RASGRF2: variants seen among roughly 807,000 people sequenced by gnomAD.
RASGRF2 encodes ras-specific guanine nucleotide-releasing factor 2.
A neutral mutation model predicts 151.0 loss-of-function variants in RASGRF2; 76 were observed. The observed-to-expected ratio is 0.50, with a 90% CI of 0.42 to 0.61. RASGRF2 has a LOEUF of 0.61. RASGRF2 is among the 20% of genes least tolerant of loss of function. The pLI is 0.00. For missense variants in RASGRF2, 1,148 were observed against 1,564.6 expected (o/e 0.73, Z 4.49); for synonymous variants, 504 against 566.5 (o/e 0.89, Z 1.57).
intron 1 of RASGRF2, among the ~76,000 whole-genome samples, chr5:80,990,232 T>TA (rs113897568): frequency 0.16 from 23,903 of 150,690 alleles, 2,074 homozygotes; most frequent in South Asian, 0.22. Context: ...TTTTTTTTTT[T>TA]ATTTTCTTTT....
chr5:81,124,400 T>C (rs1245122266), intron 16 of RASGRF2, among the ~76,000 whole-genome samples: 1 of 152,204 alleles, frequency 6.6e-6, no homozygotes, highest in African/African-American at 2.4e-5. Flanking sequence ...CTTTAGATGT[T>C]AGCTAGCTGA....
At chr5:80,985,822 A>G (rs1748456121) in intron 1 of RASGRF2, among the ~76,000 whole-genome samples, 1 of 152,160 alleles carries the variant, frequency 6.6e-6, no homozygotes, top group Non-Finnish European at 1.5e-5. Context: ...AAAGTGAACT[A>G]AGGCCACCAA....
At chr5:81,076,591 G>A (rs1751945322) in intron 5 of RASGRF2, among the ~76,000 whole-genome samples, 1 of 151,054 alleles carries the variant, frequency 6.6e-6, no homozygotes, top group Non-Finnish European at 1.5e-5. Context: ...TGGGGCAGAT[G>A]GGAGGGAAGT....
At chr5:81,153,818 A>C (rs1754192131) in intron 17 of RASGRF2, among the ~76,000 whole-genome samples, 1 of 152,118 alleles carries the variant, frequency 6.6e-6, no homozygotes, top group Admixed American at 6.5e-5. Flanking sequence ...TATATGAAAC[A>C]CATTTTCAAT....
chr5:81,064,496 C>A (rs1441615916), intron 2 of RASGRF2, among the ~76,000 whole-genome samples: 1 of 152,198 alleles, frequency 6.6e-6, no homozygotes, highest in Non-Finnish European at 1.5e-5. Flanking sequence ...GGGTTGAGTA[C>A]TAGAAGCCGG....
intron 26 of RASGRF2, among the ~76,000 whole-genome samples, chr5:81,221,035 A>G (rs1034753815): frequency 6.6e-6 from 1 of 152,130 alleles, no homozygotes; most frequent in African/African-American, 2.4e-5. Context: ...GCCTGGGGTT[A>G]TGGGTTATTG....
At chr5:81,032,590 T>C (rs538076145) in intron 1 of RASGRF2, among the ~76,000 whole-genome samples, 1 of 152,304 alleles carries the variant, frequency 6.6e-6, no homozygotes, top group South Asian at 2.1e-4. Context: ...TTGACAAAAT[T>C]CAACAGCTCT....
rs149922142 is a variant in RASGRF2 at position 81,059,480 on chromosome 5, C to T, written c.396-8552C>T. On this transcript the variant is annotated intron_variant, in intron 2 of 26. Transcript: ENST00000265080. ...AAACCTGAGACTTTCTATTGATCTA[C>T]GTGATTTAGAATCCTGTTCCCTCTT... 6.2e-3 allele frequency among the ~76,000 whole-genome samples: 946 copies of T among 151,880 alleles called. 16 individuals are homozygous for T. Among genetic ancestry groups the T allele is most frequent in the Middle Eastern group, 0.014 (4 of 292 alleles).
intron 17 of RASGRF2, among the ~76,000 whole-genome samples, chr5:81,178,432 A>G (rs1754832723): frequency 6.6e-6 from 1 of 152,198 alleles, no homozygotes; most frequent in Non-Finnish European, 1.5e-5. Context: ...TCAAGTTTGA[A>G]GTGTGTTTGA....
intron 17 of RASGRF2, among the ~76,000 whole-genome samples, chr5:81,128,379 T>C (rs192231851): frequency 6.6e-5 from 10 of 152,326 alleles, no homozygotes; most frequent in African/African-American, 1.9e-4. Flanking sequence ...CATCACATTG[T>C]ACCCTGTAGG....
At chr5:81,010,832 A>T (rs149234273) in intron 1 of RASGRF2, among the ~76,000 whole-genome samples, 125 of 152,366 alleles carry the variant, frequency 8.2e-4, no homozygotes, top group African/African-American at 2.9e-3. Context: ...ATAGCCAGAC[A>T]TGTCCACCAG....
intron 1 of RASGRF2, among the ~76,000 whole-genome samples, chr5:81,041,559 T>G (rs1401603610): frequency 6.6e-6 from 1 of 152,206 alleles, no homozygotes; most frequent in Non-Finnish European, 1.5e-5. Context: ...ATCTGAGGAC[T>G]CTCCTTGTTG....
At chr5:81,135,524 C>T (rs890979207) in intron 17 of RASGRF2, among the ~76,000 whole-genome samples, 5 of 152,190 alleles carry the variant, frequency 3.3e-5, no homozygotes, top group African/African-American at 1.2e-4. Flanking sequence ...TGGAATTACT[C>T]ATACAATATG....
chr5:81,054,222 T>A (rs1207786484), intron 2 of RASGRF2, among the ~76,000 whole-genome samples: 1 of 152,348 alleles, frequency 6.6e-6, no homozygotes, highest in East Asian at 1.9e-4. Flanking sequence ...CTGAATGGTA[T>A]TGCTTAGGTT....
chr5:81,178,003 T>G (rs1417039315), intron 17 of RASGRF2, among the ~76,000 whole-genome samples: 5 of 152,236 alleles, frequency 3.3e-5, no homozygotes, highest in African/African-American at 1.2e-4. Context: ...GTATTTATCC[T>G]AAGAGCCATC....
Position 81,068,073 on chromosome 5 carries a change from A to T in RASGRF2, c.437A>T (p.Lys146Met). 1 of 1,611,330 alleles carries T rather than the reference A, an allele frequency of 6.2e-7. No individual in the cohort carries two copies. Among genetic ancestry groups the T allele is most frequent in the Non-Finnish European group, 8.5e-7 (1 of 1,178,910 alleles). ...ILIEREVLMQ[K>M]YIHLVQIVET... is the part of the protein sequence containing the mutation. ...ATTGAGAGGGAAGTATTAATGCAGA[A>T]GTACATTCATCTAGTTCAGATCGTA... Residue 146 changes from lysine to methionine, a missense_variant, in exon 3 of 27, where the codon AAG (lysine) becomes ATG (methionine). Transcript: ENST00000265080.
chr5:81,139,650 C>T (rs1014786334), intron 17 of RASGRF2, among the ~76,000 whole-genome samples: 10 of 151,872 alleles, frequency 6.6e-5, no homozygotes, highest in East Asian at 1.9e-4. Context: ...GAATTGCAAG[C>T]GCTTCTTTGA....
In RASGRF2 at chr5:81,068,050, T is replaced by C; in HGVS notation, c.414T>C (p.Ile138=). The part of the protein sequence containing the change: ...IHQASYADIL[I]EREVLMQKYI... ...TCTCAAGTTATGCAGACATTTTGAT[T>C]GAGAGGGAAGTATTAATGCAGAAGT... Residue 138 remains isoleucine (I), a synonymous_variant, in exon 3 of 27, where the codon ATT becomes ATC. Transcript: ENST00000265080. 6.2e-7 allele frequency: 1 copy of C among 1,604,154 alleles called. No homozygotes were observed. Among genetic ancestry groups the C allele is most frequent in the Non-Finnish European group, 8.5e-7 (1 of 1,175,068 alleles).
intron 15 of RASGRF2, among the ~76,000 whole-genome samples, chr5:81,120,850 G>A (rs990992392): frequency 6.6e-6 from 1 of 152,190 alleles, no homozygotes; most frequent in African/African-American, 2.4e-5. Context: ...TAGTTCTTGA[G>A]ACTGAGAACA....
Sources: allele counts gnomAD v4.1 joint callset (sites outside exome capture counted in the v4.1 genomes callset), GRCh38; gene constraint gnomAD v4.1.1; transcripts MANE v1.5; gene names NCBI Gene and HGNC (gene_info 2026-07-23, HGNC 2026-07-21).